The following ESR1 variants were observed in gnomAD, a reference collection of about 807,000 sequenced individuals.
ESR1 encodes estrogen receptor.
In ESR1, 12 loss-of-function variants were observed where a neutral mutation model predicts 52.7. That is an observed-to-expected ratio of 0.23 (90% CI 0.15 to 0.37). The LOEUF (loss-of-function observed/expected upper bound fraction) is 0.37. Ranked by LOEUF, ESR1 falls within the 10% of genes least tolerant of loss-of-function variation. The pLI, the probability that ESR1 is intolerant of heterozygous loss-of-function variation, is 1.00. For synonymous variants in ESR1, 305 were observed against 316.8 expected, an observed-to-expected ratio of 0.96 and a Z score of 0.39; for missense variants, 584 against 779.7, an observed-to-expected ratio of 0.75 and a Z score of 2.99.
At chr6:151,840,568 C>A (rs910796160) in intron 1 of ESR1, among the ~76,000 whole-genome samples, 1 of 152,076 alleles carries the variant, frequency 6.6e-6, no homozygotes. Context: ...AATTGTGAAC[C>A]ATAATAATGA....
chr6:151,789,131 G>A (rs148926161), intron 2 of ESR1, among the ~76,000 whole-genome samples: 51 of 152,218 alleles, frequency 3.4e-4, no homozygotes, highest in Non-Finnish European at 6.2e-4. Flanking sequence ...ACCCCAAAAG[G>A]TGAAGTGTTG....
chr6:151,955,749 G>A (rs1047686153), intron 4 of ESR1, among the ~76,000 whole-genome samples: 4 of 152,152 alleles, frequency 2.6e-5, no homozygotes, highest in African/African-American at 9.7e-5. Flanking sequence ...TTTAGGTTCA[G>A]GGGTACATGT....
Position 151,882,801 on chromosome 6 carries a change from GC to G in ESR1, c.760+2031del, listed in dbSNP as rs1372290861. ...ATTAATATCCAGATACGGTCTGGCTGCATGAATATAAATTACGCATTCTCAT... is the reference window on the plus strand; with the variant it reads ...ATTAATATCCAGATACGGTCTGGCTGATGAATATAAATTACGCATTCTCAT... On this transcript the variant is annotated intron_variant, in intron 3 of 7. Coordinates refer to ENST00000206249, the MANE Select transcript of ESR1 (RefSeq NM_000125.4). 4.0e-5 allele frequency among the ~76,000 whole-genome samples: 6 copies of G among 151,620 alleles called. No homozygotes were observed. The East Asian group carries it at 1.2e-3, about 29-fold the overall frequency.
At chr6:151,811,621 A>G (rs1490192423) in intron 1 of ESR1, among the ~76,000 whole-genome samples, 1 of 152,214 alleles carries the variant, frequency 6.6e-6, no homozygotes, top group Non-Finnish European at 1.5e-5. Flanking sequence ...TCAACTTTGA[A>G]TAGAGACTGA....
At chr6:151,770,027 C>CAA (rs1166242383) in intron 2 of ESR1, among the ~76,000 whole-genome samples, 40 of 98,734 alleles carry the variant, frequency 4.1e-4, no homozygotes, top group Admixed American at 7.6e-4. Flanking sequence ...GACTCCATCT[C>CAA]AAAAAAAAAA....
At chr6:151,925,155 A>G (rs1355909255) in intron 3 of ESR1, among the ~76,000 whole-genome samples, 1 of 71,284 alleles carries the variant, frequency 1.4e-5, no homozygotes, top group Non-Finnish European at 2.7e-5. Flanking sequence ...TTTTTTTAGT[A>G]TTTAATAATA....
At chr6:151,973,853 C>T (rs564311668) in intron 4 of ESR1, among the ~76,000 whole-genome samples, 30 of 152,194 alleles carry the variant, frequency 2.0e-4, no homozygotes, top group African/African-American at 6.7e-4. Flanking sequence ...ACTCAGAGGC[C>T]CTTCGTGCTC....
intron 2 of ESR1, among the ~76,000 whole-genome samples, chr6:151,707,853 C>T (rs889139388): frequency 6.6e-6 from 1 of 152,196 alleles, no homozygotes; most frequent in Middle Eastern, 3.4e-3. Flanking sequence ...TAGTCCTTGT[C>T]TATGAACTTA....
chr6:151,808,329 C>T lies in ESR1; in HGVS notation c.417C>T (p.Tyr139=). The T allele has an allele frequency of 6.5e-7, 1 of 1,539,566 alleles. No homozygotes were observed. ...ACCTGGAGAACGAGCCCAGCGGCTA[C>T]ACGGTGCGCGAGGCCGGCCCGCCGG... is the stretch of plus-strand genomic sequence containing the variant. ...PYYLENEPSG[Y]TVREAGPPAF... Residue 139 remains tyrosine, a synonymous_variant, in exon 1 of 8, where the codon TAC becomes TAT. Transcript: ENST00000206249.
chr6:151,673,751 G>A (rs879347492), intron 1 of ESR1, among the ~76,000 whole-genome samples: 4 of 152,062 alleles, frequency 2.6e-5, no homozygotes, highest in Non-Finnish European at 2.9e-5. Flanking sequence ...ATGTGGTAGC[G>A]TGCAAATGTA....
intron 4 of ESR1, among the ~76,000 whole-genome samples, chr6:152,007,673 ACTT>A (rs2042435120): frequency 6.6e-6 from 1 of 152,010 alleles, no homozygotes; most frequent in Non-Finnish European, 1.5e-5. Flanking sequence ...TATTCTTACT[ACTT>A]TTTCGATATG....
chr6:151,688,625 G>GA (rs541884309), upstream of ESR1, among the ~76,000 whole-genome samples: 1,150 of 145,674 alleles, frequency 7.9e-3, 16 homozygotes, highest in African/African-American at 0.027. Context: ...CATACTAGGG[G>GA]AAAAAAAAAA....
At chr6:151,916,473 A>G (rs2030221253) in intron 3 of ESR1, among the ~76,000 whole-genome samples, 1 of 152,214 alleles carries the variant, frequency 6.6e-6, no homozygotes, top group Non-Finnish European at 1.5e-5. Context: ...TAGGTGGCAT[A>G]TTTCAGAGAG....
At chr6:151,956,547 T>G (rs2036932839) in intron 4 of ESR1, among the ~76,000 whole-genome samples, 1 of 152,020 alleles carries the variant, frequency 6.6e-6, no homozygotes, top group African/African-American at 2.4e-5. Flanking sequence ...ATTTTCCCCA[T>G]TGTATGCCCA....
intron 2 of ESR1, among the ~76,000 whole-genome samples, chr6:151,869,097 G>GC (rs1421968266): frequency 3.1e-5 from 1 of 32,174 alleles, no homozygotes; most frequent in Non-Finnish European, 9.6e-5. Context: ...GTCCTGTTCA[G>GC]GGTTCTGAGT....
chr6:151,749,412 C>T (rs1049149378), intron 2 of ESR1, among the ~76,000 whole-genome samples: 2 of 152,088 alleles, frequency 1.3e-5, no homozygotes, highest in Admixed American at 6.6e-5. Flanking sequence ...TTTATCATTT[C>T]TTTGTGGTAA....
chr6:152,054,659 G>A (rs2046958947), intron 5 of ESR1, among the ~76,000 whole-genome samples: 1 of 152,164 alleles, frequency 6.6e-6, no homozygotes, highest in Non-Finnish European at 1.5e-5. Flanking sequence ...TTCACAGTCT[G>A]ACTCAGCCCT....
chr6:151,670,647 G>A (rs1342024322), intron 1 of ESR1, among the ~76,000 whole-genome samples: 3 of 151,812 alleles, frequency 2.0e-5, no homozygotes, highest in African/African-American at 7.3e-5. Context: ...GCAGTGGCAC[G>A]ATCTTGGCTC....
chr6:151,945,220 G>A (rs556535625), intron 4 of ESR1, among the ~76,000 whole-genome samples: 4 of 152,108 alleles, frequency 2.6e-5, no homozygotes, highest in Non-Finnish European at 4.4e-5. Flanking sequence ...GCAAGACCGT[G>A]TCATAAAAAA....
Sources: gnomAD v4.1 joint callset for allele counts (sites outside exome capture counted in the v4.1 genomes callset) on GRCh38, gnomAD v4.1.1 for gene constraint, MANE v1.5 for transcripts, NCBI Gene and HGNC (gene_info 2026-07-23, HGNC 2026-07-21) for gene names.